Variants in SRGN observed in about 807,000 individuals in gnomAD.
SRGN encodes the protein serglycin.
A neutral mutation model predicts 9.5 loss-of-function variants in SRGN; 2 were observed. The observed-to-expected ratio is 0.21, with a 90% CI of 0.09 to 0.66. The LOEUF (loss-of-function observed/expected upper bound fraction) is 0.66, where lower values mean the gene tolerates loss of function less well. SRGN is among the 30% of genes least tolerant of loss of function. The probability of loss-of-function intolerance (pLI) is 0.83; values close to 1 mark genes in which losing one functional copy is unlikely to be tolerated. For synonymous variants in SRGN, 59 were observed against 72.3 expected, an observed-to-expected ratio of 0.82 and a Z score of 0.93; for missense variants, 170 against 192.4, an observed-to-expected ratio of 0.88 and a Z score of 0.69.
intron 1 of SRGN, among the ~76,000 whole-genome samples, chr10:69,089,176 G>A (rs1278751639): frequency 6.6e-6 from 1 of 152,210 alleles, no homozygotes; most frequent in East Asian, 1.9e-4. Context: ...CGGTGGAGAT[G>A]AAATCTTACA....
At chr10:69,095,334 C>CTTCATT (rs1429108241) in intron 1 of SRGN, among the ~76,000 whole-genome samples, 3 of 147,772 alleles carry the variant, frequency 2.0e-5, no homozygotes, top group African/African-American at 5.0e-5. Flanking sequence ...AAGTACTTTT[C>CTTCATT]TTCATTTGGT....
chr10:69,101,636 C>T (rs1019578050), intron 2 of SRGN, among the ~76,000 whole-genome samples: 1 of 152,126 alleles, frequency 6.6e-6, no homozygotes, highest in African/African-American at 2.4e-5. Flanking sequence ...CTGAAAGGGC[C>T]ACCCATGCCT....
At chr10:69,094,278 A>C (rs1840129499) in intron 1 of SRGN, among the ~76,000 whole-genome samples, 1 of 152,232 alleles carries the variant, frequency 6.6e-6, no homozygotes, top group Admixed American at 6.5e-5. Flanking sequence ...AGACATTGTA[A>C]GCTATACTCA....
At chr10:69,100,807 G>A (rs115506782) in intron 2 of SRGN, among the ~76,000 whole-genome samples, 42 of 152,152 alleles carry the variant, frequency 2.8e-4, no homozygotes, top group African/African-American at 1.0e-3. Context: ...GAGGAAGGGA[G>A]AGAGGTATGT....
intron 2 of SRGN, among the ~76,000 whole-genome samples, chr10:69,101,534 T>C: frequency 6.6e-6 from 1 of 152,168 alleles, no homozygotes; most frequent in East Asian, 1.9e-4. Context: ...GGGTGGACTT[T>C]AGTATCTCCT....
chr10:69,092,176 G>A (rs1840077384), intron 1 of SRGN, among the ~76,000 whole-genome samples: 1 of 152,014 alleles, frequency 6.6e-6, no homozygotes, highest in African/African-American at 2.4e-5. Context: ...GACCTTTTAG[G>A]AAGATAACAT....
At chr10:69,099,327 G>C (rs1303279482) in intron 2 of SRGN, among the ~76,000 whole-genome samples, 2 of 133,672 alleles carry the variant, frequency 1.5e-5, no homozygotes, top group Non-Finnish European at 3.2e-5. Flanking sequence ...TTTTTTTTGA[G>C]ACAGGGTCTC....
At chr10:69,099,974 CA>C (rs1840256246) in intron 2 of SRGN, among the ~76,000 whole-genome samples, 1 of 152,120 alleles carries the variant, frequency 6.6e-6, no homozygotes, top group Non-Finnish European at 1.5e-5. Context: ...CCTGTAATCC[CA>C]ACACTTTGGG....
Position 69,104,316 on chromosome 10 carries a change from T to C in SRGN, c.*196T>C. The stretch of plus-strand genomic sequence containing the variant: ...TTTAATGCTGTTATCTATTTTATTG[T>C]TCTTGAAAATACCTGCATTTTTTGG... On this transcript the variant is annotated 3_prime_UTR_variant, in exon 3 of 3. Transcript: ENST00000242465. The C allele has an allele frequency of 1.8e-6, 1 of 571,346 alleles. No homozygotes were observed. Among genetic ancestry groups the C allele is most frequent in the South Asian group, 3.7e-5 (1 of 26,706 alleles). 35.4% of individuals were successfully genotyped at this position (571,346 alleles called of 1,614,324 possible).
chr10:69,098,206 A>G (rs1840217272), intron 2 of SRGN, among the ~76,000 whole-genome samples: 1 of 152,242 alleles, frequency 6.6e-6, no homozygotes, highest in African/African-American at 2.4e-5. Flanking sequence ...GATAAGCAAA[A>G]TGTGGTATAA....
chr10:69,091,902 A>C lies in SRGN; in HGVS notation c.79+3666A>C, dbSNP rs1386727130. On this transcript the variant is annotated intron_variant, in intron 1 of 2. Coordinates refer to ENST00000242465, the MANE Select transcript of SRGN (RefSeq NM_002727.4). ...CTCAAAAAAAAAAAAAAAAAAAAAA[A>C]AAAAAAGAAAAAGAAAAGAAAAGAA... 2.2e-5 allele frequency among the ~76,000 whole-genome samples: 2 copies of C among 90,312 alleles called. 1 individual carries two copies. The highest frequency in any genetic ancestry group is 6.1e-5 in the Non-Finnish European group (2 of 32,906). The allele number at this position is 90,312 out of a possible 152,430, so 59.2% of individuals were successfully genotyped here.
In SRGN at chr10:69,104,071, A is replaced by C. The variant is rs770690304; in HGVS notation, c.428A>C (p.Asp143Ala). The change falls in exon 3 of 3, where the codon GAC becomes GCC. Residue 143 changes from aspartate (D) to alanine (A), a missense_variant. Coordinates refer to ENST00000242465, the MANE Select transcript of SRGN (RefSeq NM_002727.4). ...LRSLDRNLPSDSQDLGQHGLE... is the reference protein window; with the variant it reads ...LRSLDRNLPSASQDLGQHGLE... ...TCTCTTGACAGGAATCTGCCCTCAG[A>C]CAGCCAGGACTTGGGTCAACATGGA... 4.3e-6 allele frequency: 7 copies of C among 1,614,214 alleles called. No individual in the cohort carries two copies. Among genetic ancestry groups the C allele is most frequent in the Middle Eastern group, 1.6e-4 (1 of 6,062 alleles).
At chr10:69,099,173 G>C (rs1157535180) in intron 2 of SRGN, among the ~76,000 whole-genome samples, 1 of 152,006 alleles carries the variant, frequency 6.6e-6, no homozygotes, top group Non-Finnish European at 1.5e-5. Flanking sequence ...TACATATTAA[G>C]AAAAGGATTA....
chr10:69,088,385 T>C (rs1469440274), intron 1 of SRGN, 149 bp downstream of exon 1: 3 of 653,844 alleles, frequency 4.6e-6, no homozygotes, highest in Non-Finnish European at 7.9e-6. Context: ...AACCCTTTAA[T>C]ATGAGTTCTG....
intron 2 of SRGN, chr10:69,098,532 T>G (rs980501575): frequency 6.6e-6 from 1 of 151,696 alleles, no homozygotes; most frequent in African/African-American, 2.4e-5. Context: ...ATCCCAGCAC[T>G]TTGGGAGGCC....
chr10:69,101,560 C>G (rs1041816604), intron 2 of SRGN, among the ~76,000 whole-genome samples: 2 of 152,124 alleles, frequency 1.3e-5, no homozygotes, highest in African/African-American at 4.8e-5. Flanking sequence ...TAGGCAACAT[C>G]TCTCCTTTGA....
chr10:69,099,309 GTTT>G (rs59142650), intron 2 of SRGN, among the ~76,000 whole-genome samples: 1 of 138,904 alleles, frequency 7.2e-6, no homozygotes, highest in Non-Finnish European at 1.5e-5. Flanking sequence ...TTTCTCTTTT[GTTT>G]TTTTTTTTTT....
At chr10:69,098,307 G>A (rs558626262) in intron 2 of SRGN, among the ~76,000 whole-genome samples, 96 of 152,292 alleles carry the variant, frequency 6.3e-4, no homozygotes, top group Non-Finnish European at 1.2e-3. Context: ...TATGCAGAGT[G>A]AAGGAAGGCC....
Position 69,097,128 on chromosome 10 carries a change from C to G in SRGN, c.124C>G (p.Pro42Ala). 4 of 1,614,120 alleles carry G rather than the reference C, an allele frequency of 2.5e-6. No individual in the cohort carries two copies. Among genetic ancestry groups the G allele is most frequent in the Non-Finnish European group, 3.4e-6 (4 of 1,179,980 alleles). Residue 42 changes from proline to alanine, a missense_variant, in exon 2 of 3, where the codon CCA becomes GCA. Pro to Ala is a conservative substitution (Grantham distance 27, BLOSUM62 -1). Transcript: ENST00000242465. ...RARYQWVRCN[P>A]DSNSANCLEE... ...CAGGTACCAATGGGTGCGCTGCAAT[C>G]CAGACAGTAATTCTGCAAACTGCCT... is the stretch of plus-strand genomic sequence containing the variant.
Sources: allele counts gnomAD v4.1 joint callset (sites outside exome capture counted in the v4.1 genomes callset), GRCh38; gene constraint gnomAD v4.1.1; transcripts MANE v1.5; gene names NCBI Gene and HGNC (gene_info 2026-07-23, HGNC 2026-07-21).